Variants in SMYD4 observed in about 807,000 individuals in gnomAD.
The protein encoded by SMYD4 is SET and MYND domain containing 4, also known as protein-lysine N-methyltransferase SMYD4.
SMYD4 carries 68 observed loss-of-function variants against 72.8 expected under a neutral mutation model. That is an observed-to-expected ratio of 0.93 (90% CI 0.77 to 1.14). The LOEUF (loss-of-function observed/expected upper bound fraction) is 1.14. SMYD4 is among the 50% of genes most tolerant of loss of function. The pLI is 0.00. For synonymous variants in SMYD4, 407 were observed against 388.6 expected (o/e 1.05, Z -0.56); for missense variants, 984 against 1,003.7 (o/e 0.98, Z 0.27).
intron 2 of SMYD4, among the ~76,000 whole-genome samples, chr17:1,826,483 A>C (rs1911174049): frequency 7.3e-6 from 1 of 136,756 alleles, no homozygotes; most frequent in African/African-American, 2.7e-5. Flanking sequence ...CAAGAGCAAA[A>C]CTCTGTCCAA....
chr17:1,816,929 A>G (rs746818423), intron 2 of SMYD4, among the ~76,000 whole-genome samples: 2 of 151,972 alleles, frequency 1.3e-5, no homozygotes, highest in East Asian at 3.9e-4. Flanking sequence ...ATTGAGTTGT[A>G]GGAGTTCTTT....
intron 5 of SMYD4, among the ~76,000 whole-genome samples, chr17:1,792,619 C>G (rs1275057033): frequency 6.6e-6 from 1 of 151,584 alleles, no homozygotes; most frequent in East Asian, 1.9e-4. Flanking sequence ...CCAGCCTGGG[C>G]AACAGACAGA....
At chr17:1,810,927 C>A (rs1331793227) in intron 3 of SMYD4, among the ~76,000 whole-genome samples, 2 of 152,204 alleles carry the variant, frequency 1.3e-5, no homozygotes, top group Non-Finnish European at 2.9e-5. Flanking sequence ...CCTTCTGGCT[C>A]CCAACCTGCT....
At chr17:1,822,403 T>TA (rs1164230903) in intron 2 of SMYD4, among the ~76,000 whole-genome samples, 1 of 152,180 alleles carries the variant, frequency 6.6e-6, no homozygotes, top group African/African-American at 2.4e-5. Context: ...ATTATTCTGA[T>TA]AAAAAATTAA....
rs1339609471 is a variant in SMYD4 at position 1,780,194 on chromosome 17, T to A, written c.*1092A>T. Reference sequence around the variant, plus strand: ...GACTGTTGGGAAAGTCTTATCTTCCTGACGAAAGCTCAGCAGCAACAGAAC... The same window carrying A: ...GACTGTTGGGAAAGTCTTATCTTCCAGACGAAAGCTCAGCAGCAACAGAAC... On this transcript the variant is annotated 3_prime_UTR_variant, in exon 11 of 11. Coordinates refer to ENST00000305513, the MANE Select transcript of SMYD4 (RefSeq NM_052928.3). The A allele has an allele frequency of 6.6e-6, 1 of 152,212 alleles. No individual in the cohort carries two copies. The highest frequency in any genetic ancestry group is 1.5e-5 in the Non-Finnish European group (1 of 68,058). The allele number at this position is 152,212 out of a possible 1,614,324, so 9.4% of individuals were successfully genotyped here.
At chr17:1,807,645 G>A (rs150326291) in intron 3 of SMYD4, among the ~76,000 whole-genome samples, 19 of 152,236 alleles carry the variant, frequency 1.2e-4, no homozygotes, top group African/African-American at 4.3e-4. Context: ...TTACAGGTGC[G>A]AGCCACCGCG....
chr17:1,808,128 C>T (rs1372739916), intron 3 of SMYD4, among the ~76,000 whole-genome samples: 1 of 152,156 alleles, frequency 6.6e-6, no homozygotes, highest in Admixed American at 6.6e-5. Flanking sequence ...CCAGCAATTA[C>T]CCTTCTAGGA....
intron 1 of SMYD4, chr17:1,829,325 T>G (rs1240852293): frequency 6.6e-6 from 1 of 152,370 alleles, no homozygotes; most frequent in African/African-American, 2.4e-5. Flanking sequence ...CATAGGCTAC[T>G]CATGCTTTCC....
At chr17:1,828,758 G>A (rs1274615848) in intron 1 of SMYD4, among the ~76,000 whole-genome samples, 2 of 151,870 alleles carry the variant, frequency 1.3e-5, no homozygotes, top group Non-Finnish European at 2.9e-5. Flanking sequence ...AACTACGCCC[G>A]GCTAATTTTT....
In SMYD4 at chr17:1,781,307, G is replaced by C; in HGVS notation, c.2394C>G (p.Thr798=). ...AACCCTACAATGCAGGCCCTACAGG[G>C]GTGGGTGGTAAGTCCAACAAACAGG... ...MKSCLLDLPP[T]PVGPAL The change falls in exon 11 of 11, where the codon ACC becomes ACG. Residue 798 remains threonine (T), a synonymous_variant. Transcript: ENST00000305513. The C allele has an allele frequency of 1.9e-6, 3 of 1,613,512 alleles. No homozygotes were observed. The highest frequency in any genetic ancestry group is 1.7e-6 in the Non-Finnish European group (2 of 1,180,028).
chr17:1,782,554 C>T (rs4474730), intron 10 of SMYD4: 55,829 of 150,144 alleles, frequency 0.37, 10,647 homozygotes, highest in East Asian at 0.5. Context: ...TTCAAGCAAA[C>T]GCTTTAAAAG....
intron 4 of SMYD4, 27 bp downstream of exon 4, chr17:1,804,599 T>G: frequency 6.2e-7 from 1 of 1,606,832 alleles, no homozygotes; most frequent in Non-Finnish European, 8.5e-7. Flanking sequence ...GATCCTGTCC[T>G]CTCATACCAG....
chr17:1,794,035 AT>A (rs1315012715), intron 5 of SMYD4, among the ~76,000 whole-genome samples: 1 of 37,692 alleles, frequency 2.7e-5, no homozygotes, highest in African/African-American at 6.6e-5. Context: ...GTATATATAT[AT>A]GTATGTATAT....
At chr17:1,821,609 G>C (rs1394893641) in intron 2 of SMYD4, among the ~76,000 whole-genome samples, 1 of 152,074 alleles carries the variant, frequency 6.6e-6, no homozygotes, top group Non-Finnish European at 1.5e-5. Context: ...AGAAAGAGCA[G>C]TATTTGCAAT....
At chr17:1,809,422 T>C (rs1910209485) in intron 3 of SMYD4, among the ~76,000 whole-genome samples, 1 of 151,806 alleles carries the variant, frequency 6.6e-6, no homozygotes, top group Non-Finnish European at 1.5e-5. Flanking sequence ...TCGCCCAGGC[T>C]GGAGTGCAGT....
Position 1,829,757 on chromosome 17 carries a change from G to T in SMYD4, c.-44C>A, listed in dbSNP as rs1380816934. 7 of 201,772 alleles carry T rather than the reference G, an allele frequency of 3.5e-5. 1 individual carries two copies. Among genetic ancestry groups the T allele is most frequent in the Non-Finnish European group, 5.9e-5 (6 of 101,238 alleles). The allele number at this position is 201,772 out of a possible 1,614,324, so 12.5% of individuals were successfully genotyped here. A position where few individuals can be genotyped will look rare whatever the true frequency, so the allele number is the denominator to read the frequency against. On this transcript the variant is annotated 5_prime_UTR_variant, in exon 1 of 11. Coordinates refer to ENST00000305513, the MANE Select transcript of SMYD4 (RefSeq NM_052928.3). ...ACTCGCCAGAGACCGAGGCGAGAAC[G>T]CCTCGAGAACCGCTCAGACGCGCCC...
intron 3 of SMYD4, among the ~76,000 whole-genome samples, chr17:1,808,019 T>G (rs1910132268): frequency 6.6e-6 from 1 of 152,176 alleles, no homozygotes; most frequent in South Asian, 2.1e-4. Flanking sequence ...GAGAAATTAA[T>G]ATCCCCATAG....
At chr17:1,794,043 A>ATGTGTGTG (rs1567770787) in intron 5 of SMYD4, among the ~76,000 whole-genome samples, 16 of 71,126 alleles carry the variant, frequency 2.2e-4, no homozygotes, top group Non-Finnish European at 8.6e-5. Flanking sequence ...ATATGTATGT[A>ATGTGTGTG]TATATATATG....
chr17:1,794,037 G>GTATATATATATATATGTGTGTATATATA (rs540607649), intron 5 of SMYD4, among the ~76,000 whole-genome samples: 11 of 49,332 alleles, frequency 2.2e-4, no homozygotes, highest in South Asian at 5.0e-4. Context: ...ATATATATAT[G>GTATATATATATATATGTGTGTATATATA]TATGTATATA....
Sources: gnomAD v4.1 joint callset for allele counts (sites outside exome capture counted in the v4.1 genomes callset) on GRCh38, gnomAD v4.1.1 for gene constraint, MANE v1.5 for transcripts, NCBI Gene and HGNC (gene_info 2026-07-23, HGNC 2026-07-21) for gene names.